The following EYS variants were observed in gnomAD, a reference collection of about 807,000 sequenced individuals.
EYS encodes the protein protein eyes shut homolog.
Under a neutral mutation model 282.1 loss-of-function variants are expected in EYS, and 250 were observed. That is an observed-to-expected ratio of 0.89 (90% CI 0.80 to 0.98). The LOEUF (loss-of-function observed/expected upper bound fraction) is 0.98, where lower values mean the gene tolerates loss of function less well. EYS is among the 50% of genes least tolerant of loss of function. The probability of loss-of-function intolerance (pLI) is 0.00; values close to 1 mark genes in which losing one functional copy is unlikely to be tolerated. For synonymous variants in EYS, 1,355 were observed against 1,282.9 expected (o/e 1.06, Z -1.20); for missense variants, 4,016 against 3,709.0 (o/e 1.08, Z -2.15).
chr6:65,500,946 G>A (rs567718160), intron 2 of EYS, among the ~76,000 whole-genome samples: 2 of 151,954 alleles, frequency 1.3e-5, no homozygotes, highest in East Asian at 3.9e-4. Flanking sequence ...TTTTTGTTTT[G>A]CTCATCACTC....
At chr6:65,253,218 T>C (rs544198201) in intron 12 of EYS, among the ~76,000 whole-genome samples, 1 of 152,142 alleles carries the variant, frequency 6.6e-6, no homozygotes, top group African/African-American at 2.4e-5. Flanking sequence ...ATTTATACTG[T>C]AGCTCTTGCT....
At chr6:64,833,295 A>T (rs1026860855) in intron 19 of EYS, among the ~76,000 whole-genome samples, 7 of 151,922 alleles carry the variant, frequency 4.6e-5, no homozygotes, top group Non-Finnish European at 7.4e-5. Context: ...GGTTTTAGGT[A>T]ACCTGTGTGT....
In EYS at chr6:63,993,403, A is replaced by G. The variant is rs143336933; in HGVS notation, c.6834+5672T>C. 3.3e-5 allele frequency among the ~76,000 whole-genome samples: 5 copies of G among 151,986 alleles called. No homozygotes were observed. The East Asian group carries it at 9.6e-4, about 29-fold the overall frequency. ...TTGTTCACAGATGACCTGATAATATACATAGAAAACCTTAATGATATCTCT... is the reference window on the plus strand; with the variant it reads ...TTGTTCACAGATGACCTGATAATATGCATAGAAAACCTTAATGATATCTCT... On this transcript the variant is annotated intron_variant, in intron 34 of 42. Coordinates refer to ENST00000503581, the MANE Select transcript of EYS (RefSeq NM_001142800.2).
intron 14 of EYS, among the ~76,000 whole-genome samples, chr6:64,955,575 C>A (rs1769673356): frequency 6.6e-6 from 1 of 151,920 alleles, no homozygotes; most frequent in African/African-American, 2.4e-5. Flanking sequence ...ATTTATTGTG[C>A]AAGCACAATA....
intron 34 of EYS, among the ~76,000 whole-genome samples, chr6:63,990,263 A>G (rs1235583007): frequency 3.3e-5 from 5 of 151,732 alleles, no homozygotes; most frequent in African/African-American, 9.7e-5. Flanking sequence ...ACACAGAAGC[A>G]ACAAAAATAC....
At chr6:65,025,648 A>T (rs1772386459) in intron 13 of EYS, among the ~76,000 whole-genome samples, 1 of 152,150 alleles carries the variant, frequency 6.6e-6, no homozygotes, top group Non-Finnish European at 1.5e-5. Flanking sequence ...CAGGAGGGAG[A>T]GGTTGCAGTG....
intron 35 of EYS, among the ~76,000 whole-genome samples, chr6:63,894,519 T>G (rs1773485297): frequency 6.6e-6 from 1 of 152,098 alleles, no homozygotes; most frequent in Non-Finnish European, 1.5e-5. Flanking sequence ...CAACACCTTT[T>G]GATTTTACAT....
intron 35 of EYS, among the ~76,000 whole-genome samples, chr6:63,893,398 A>G (rs879434606): frequency 6.8e-6 from 1 of 146,212 alleles, no homozygotes; most frequent in African/African-American, 2.5e-5. Context: ...ATGCAGCCAT[A>G]AAAAAAGGAT....
intron 12 of EYS, among the ~76,000 whole-genome samples, chr6:65,216,620 T>C (rs952132623): frequency 2.0e-5 from 3 of 151,808 alleles, no homozygotes; most frequent in African/African-American, 7.2e-5. Flanking sequence ...ATGTTTAACA[T>C]ATTAGCAGTA....
At chr6:64,061,638 C>T (rs1771174053) in intron 33 of EYS, among the ~76,000 whole-genome samples, 1 of 152,100 alleles carries the variant, frequency 6.6e-6, no homozygotes, top group African/African-American at 2.4e-5. Flanking sequence ...TAGCTAATAA[C>T]AAAAAATAAA....
At chr6:63,940,839 C>G (rs1387544213) in intron 35 of EYS, among the ~76,000 whole-genome samples, 2 of 128,712 alleles carry the variant, frequency 1.6e-5, no homozygotes, top group African/African-American at 5.8e-5. Context: ...CCCCCTCCCC[C>G]TCTGCCACAA....
In EYS at chr6:64,901,939, A is replaced by C. The variant is rs142709378; in HGVS notation, c.2846+174T>G. ...CTAACAGTAAGATTGGTAAATAAAA[A>C]TTTGAGATTTTTGACATAAGTGATT... On this transcript the variant is annotated intron_variant, in intron 18 of 42. Coordinates refer to ENST00000503581, the MANE Select transcript of EYS (RefSeq NM_001142800.2). Among the ~76,000 whole-genome samples the C allele has an allele frequency of 0.02, 3,073 of 152,272 alleles. 44 individuals carry two copies. Among genetic ancestry groups the C allele is most frequent in the Middle Eastern group, 0.065 (19 of 292 alleles).
chr6:64,227,085 T>A (rs1465422343), intron 31 of EYS, among the ~76,000 whole-genome samples: 2 of 152,112 alleles, frequency 1.3e-5, no homozygotes, highest in Non-Finnish European at 2.9e-5. Context: ...CAATTATATA[T>A]TTTTTCAGTC....
At chr6:65,628,397 A>G (rs1003699417) in intron 2 of EYS, among the ~76,000 whole-genome samples, 2 of 152,202 alleles carry the variant, frequency 1.3e-5, no homozygotes, top group East Asian at 3.9e-4. Context: ...ACCAATCAGC[A>G]GGATGTGGGT....
chr6:65,648,690 C>A (rs192538991), intron 1 of EYS, among the ~76,000 whole-genome samples: 1 of 145,602 alleles, frequency 6.9e-6, no homozygotes, highest in African/African-American at 2.4e-5. Flanking sequence ...CACCTGTTCC[C>A]CAAACACCTA....
chr6:64,483,911 CAT>C (rs1332706203), intron 26 of EYS, among the ~76,000 whole-genome samples: 1 of 151,614 alleles, frequency 6.6e-6, no homozygotes, highest in African/African-American at 2.4e-5. Flanking sequence ...GACACATAGA[CAT>C]AGATTACAAT....
intron 12 of EYS, among the ~76,000 whole-genome samples, chr6:65,208,967 T>G (rs1298048824): frequency 6.6e-6 from 1 of 151,828 alleles, no homozygotes; most frequent in African/African-American, 2.4e-5. Context: ...TACTCATAAT[T>G]CCTCAAAAAT....
chr6:65,697,122 TA>T (rs1562334592), intron 1 of EYS, among the ~76,000 whole-genome samples: 1 of 152,056 alleles, frequency 6.6e-6, no homozygotes, highest in African/African-American at 2.4e-5. Flanking sequence ...CATATAATGA[TA>T]ATTCACTTTG....
chr6:64,530,727 C>A (rs967188696), intron 26 of EYS, among the ~76,000 whole-genome samples: 2 of 152,062 alleles, frequency 1.3e-5, no homozygotes, highest in Non-Finnish European at 2.9e-5. Flanking sequence ...TTCTAATAAT[C>A]TTGAAAAACA....
Sources: allele counts gnomAD v4.1 joint callset (sites outside exome capture counted in the v4.1 genomes callset), GRCh38; gene constraint gnomAD v4.1.1; transcripts MANE v1.5; gene names NCBI Gene and HGNC (gene_info 2026-07-23, HGNC 2026-07-21).